The following RANBP2 variants were observed in gnomAD, a reference collection of about 807,000 sequenced individuals.
RANBP2 encodes the protein E3 SUMO-protein ligase RanBP2.
In RANBP2, 57 loss-of-function variants were observed where a neutral mutation model predicts 303.6. The ratio of observed to expected loss-of-function variants is 0.19; its 90% CI spans 0.15 to 0.23. RANBP2 has a LOEUF of 0.23. Among genes scored for constraint, RANBP2 ranks in the 10% least tolerant of loss-of-function variants. RANBP2 has a pLI of 1.00. For synonymous variants in RANBP2, 1,167 were observed against 1,301.5 expected (o/e 0.90, Z 2.23); for missense variants, 3,138 against 3,780.8 (o/e 0.83, Z 4.46).
the RANBP2 span, chr2:108,930,168 C>A: frequency 1.2e-6 from 2 of 1,614,008 alleles, no homozygotes; most frequent in Non-Finnish European, 1.7e-6. Context: ...CCTGGCACAG[C>A]CCCGTAGTCT....
the RANBP2 span, among the ~76,000 whole-genome samples, chr2:109,592,556 G>A: frequency 6.6e-6 from 1 of 151,934 alleles, no homozygotes; most frequent in Non-Finnish European, 1.5e-5. Flanking sequence ...GAGGTGGGCA[G>A]ATCACTTGAG....
At chr2:108,751,742 G>A (rs1347474439) in intron 11 of RANBP2, 39 bp downstream of exon 11, 10 of 1,611,544 alleles carry the variant, frequency 6.2e-6, no homozygotes, top group Admixed American at 1.7e-5. Flanking sequence ...CACTTAGTGC[G>A]TAGGTTTTAC....
chr2:109,360,787 T>A, the RANBP2 span, among the ~76,000 whole-genome samples: 7 of 152,196 alleles, frequency 4.6e-5, no homozygotes, highest in East Asian at 1.3e-3. Flanking sequence ...ATTTCTTCCC[T>A]CCCAATCTGT....
chr2:109,143,626 T>C, the RANBP2 span, among the ~76,000 whole-genome samples: 1 of 152,060 alleles, frequency 6.6e-6, no homozygotes, highest in Non-Finnish European at 1.5e-5. Context: ...TGGTGGTGCA[T>C]GCCTGTAGTC....
chr2:108,775,451 G>A (rs528786583), intron 23 of RANBP2, among the ~76,000 whole-genome samples: 2 of 152,098 alleles, frequency 1.3e-5, no homozygotes, highest in African/African-American at 4.8e-5. Flanking sequence ...TACAGGAGTG[G>A]CAGAAAAACT....
chr2:109,724,036 A>G, the RANBP2 span, among the ~76,000 whole-genome samples: 10 of 152,260 alleles, frequency 6.6e-5, no homozygotes, highest in African/African-American at 2.2e-4. Flanking sequence ...TCCTTCCCCC[A>G]TTGCTTGTTT....
At chr2:109,176,807 G>A in the RANBP2 span, among the ~76,000 whole-genome samples, 7 of 152,322 alleles carry the variant, frequency 4.6e-5, no homozygotes, top group Non-Finnish European at 7.4e-5. Context: ...AGGCTCAGCC[G>A]TGAACTTTAT....
the RANBP2 span, among the ~76,000 whole-genome samples, chr2:108,904,273 C>T: frequency 0.029 from 4,358 of 152,232 alleles, 194 homozygotes; most frequent in African/African-American, 0.1. Context: ...TCATAACACA[C>T]TTCTCAGAAT....
the RANBP2 span, among the ~76,000 whole-genome samples, chr2:109,202,494 G>T: frequency 6.6e-6 from 1 of 152,198 alleles, no homozygotes; most frequent in Middle Eastern, 3.2e-3. Flanking sequence ...GCGCGTTCTT[G>T]TTCCTCACAT....
chr2:109,580,335 T>A, the RANBP2 span, among the ~76,000 whole-genome samples: 1 of 133,364 alleles, frequency 7.5e-6, no homozygotes, highest in Non-Finnish European at 1.6e-5. Flanking sequence ...AAGTCACAAT[T>A]TCTCCATAAA....
At chr2:109,267,604 G>A in the RANBP2 span, among the ~76,000 whole-genome samples, 4 of 152,170 alleles carry the variant, frequency 2.6e-5, no homozygotes, top group Non-Finnish European at 4.4e-5. Context: ...GTGATGGGTG[G>A]ACCAGGCTGA....
chr2:108,814,134 G>A, the RANBP2 span, among the ~76,000 whole-genome samples: 1 of 152,126 alleles, frequency 6.6e-6, no homozygotes, highest in African/African-American at 2.4e-5. Flanking sequence ...TCATAAGGTC[G>A]ATAAAGGTAG....
chr2:109,516,477 A>G, the RANBP2 span, among the ~76,000 whole-genome samples: 12 of 152,300 alleles, frequency 7.9e-5, no homozygotes, highest in African/African-American at 2.9e-4. Context: ...ATATGCGGAC[A>G]CTCAGTCTCC....
At chr2:109,765,926 C>T in the RANBP2 span, among the ~76,000 whole-genome samples, 1 of 150,496 alleles carries the variant, frequency 6.6e-6, no homozygotes, top group Non-Finnish European at 1.5e-5. Flanking sequence ...CTTCAGGTGC[C>T]TCTACCCTTT....
the RANBP2 span, chr2:109,613,978 G>A: frequency 1.7e-6 from 2 of 1,197,368 alleles, no homozygotes; most frequent in South Asian, 4.2e-5. Flanking sequence ...CAGGGGCGGG[G>A]CCGAGCTGGA....
At chr2:109,646,497 A>C in the RANBP2 span, among the ~76,000 whole-genome samples, 1 of 147,098 alleles carries the variant, frequency 6.8e-6, no homozygotes, top group South Asian at 2.1e-4. Flanking sequence ...ACGGCTAATA[A>C]TTTTTTTTTT....
At chr2:109,410,121 G>A in the RANBP2 span, among the ~76,000 whole-genome samples, 1 of 152,200 alleles carries the variant, frequency 6.6e-6, no homozygotes, top group Non-Finnish European at 1.5e-5. Flanking sequence ...AAAATGCAGC[G>A]GAGGAGGCTC....
the RANBP2 span, among the ~76,000 whole-genome samples, chr2:109,436,675 T>C: frequency 6.6e-6 from 1 of 152,246 alleles, no homozygotes; most frequent in African/African-American, 2.4e-5. Flanking sequence ...GGCTTTGCTA[T>C]CTCTTAAATA....
chr2:109,026,978 T>C, the RANBP2 span, among the ~76,000 whole-genome samples: 2 of 152,188 alleles, frequency 1.3e-5, no homozygotes, highest in African/African-American at 4.8e-5. Context: ...GTGTGGTGGC[T>C]CACACCTGTA....
Sources: allele counts gnomAD v4.1 joint callset (sites outside exome capture counted in the v4.1 genomes callset), GRCh38; gene constraint gnomAD v4.1.1; transcripts MANE v1.5; gene names NCBI Gene and HGNC (gene_info 2026-07-23, HGNC 2026-07-21).